The following SLC35F3 variants were observed in gnomAD, a reference collection of about 807,000 sequenced individuals.
SLC35F3 encodes solute carrier family 35 member F3.
SLC35F3 carries 25 observed loss-of-function variants against 49.9 expected under a neutral mutation model. That is an observed-to-expected ratio of 0.50 (90% CI 0.37 to 0.70). The LOEUF (loss-of-function observed/expected upper bound fraction) is 0.70, where lower values mean the gene tolerates loss of function less well. SLC35F3 is among the 30% of genes least tolerant of loss of function. The probability of loss-of-function intolerance (pLI) is 0.00; values close to 1 mark genes in which losing one functional copy is unlikely to be tolerated. For synonymous variants in SLC35F3, 275 were observed against 265.4 expected, an observed-to-expected ratio of 1.04 and a Z score of -0.35; for missense variants, 525 against 639.8, an observed-to-expected ratio of 0.82 and a Z score of 1.94.
At chr1:234,049,880 A>T (rs1413763476) in intron 2 of SLC35F3, among the ~76,000 whole-genome samples, 1 of 152,156 alleles carries the variant, frequency 6.6e-6, no homozygotes, top group Non-Finnish European at 1.5e-5. Context: ...GAGTAAGAAC[A>T]TAAGGTGTTT....
At chr1:234,160,640 C>A (rs1052226940) in intron 2 of SLC35F3, among the ~76,000 whole-genome samples, 12 of 152,178 alleles carry the variant, frequency 7.9e-5, no homozygotes, top group African/African-American at 2.7e-4. Context: ...ACTCTACTTA[C>A]AGTGGTCCCC....
At chr1:233,944,865 G>C (rs1662488170) in intron 2 of SLC35F3, among the ~76,000 whole-genome samples, 1 of 152,058 alleles carries the variant, frequency 6.6e-6, no homozygotes, top group Admixed American at 6.6e-5. Flanking sequence ...ATTGTAGAGG[G>C]GACGGAAGGG....
chr1:234,096,451 G>A (rs1235795813), intron 2 of SLC35F3, among the ~76,000 whole-genome samples: 2 of 152,106 alleles, frequency 1.3e-5, no homozygotes, highest in East Asian at 1.9e-4. Context: ...TTTCATTGTC[G>A]ATCTTCCATC....
At chr1:233,951,382 T>C (rs1662605733) in intron 2 of SLC35F3, among the ~76,000 whole-genome samples, 2 of 152,094 alleles carry the variant, frequency 1.3e-5, no homozygotes, top group Admixed American at 6.5e-5. Flanking sequence ...ACTCACTGAC[T>C]CACCCAGAGC....
intron 3 of SLC35F3, among the ~76,000 whole-genome samples, chr1:234,243,977 C>T (rs1027176019): frequency 6.6e-6 from 1 of 152,222 alleles, no homozygotes; most frequent in African/African-American, 2.4e-5. Context: ...TGCATAGCTG[C>T]AAGGTGGGAG....
At chr1:233,946,457 T>C (rs1662515537) in intron 2 of SLC35F3, among the ~76,000 whole-genome samples, 1 of 152,262 alleles carries the variant, frequency 6.6e-6, no homozygotes. Context: ...GCTCTCTGTC[T>C]TGGAACCAGA....
intron 2 of SLC35F3, among the ~76,000 whole-genome samples, chr1:234,165,387 A>C (rs1184670359): frequency 6.6e-6 from 1 of 152,160 alleles, no homozygotes; most frequent in Non-Finnish European, 1.5e-5. Flanking sequence ...CTAGAGAGAG[A>C]AGAAAGGCAA....
intron 2 of SLC35F3, among the ~76,000 whole-genome samples, chr1:234,122,608 C>T (rs1665592669): frequency 6.6e-6 from 1 of 152,142 alleles, no homozygotes; most frequent in African/African-American, 2.4e-5. Context: ...TCCTAATGCT[C>T]TCCCTCCCCT....
intron 2 of SLC35F3, among the ~76,000 whole-genome samples, chr1:233,985,345 T>A (rs12058251): frequency 0.032 from 4,883 of 152,170 alleles, 237 homozygotes; most frequent in African/African-American, 0.11. Context: ...CCATGCAGAG[T>A]CTTTTTGTAG....
intron 2 of SLC35F3, among the ~76,000 whole-genome samples, chr1:233,966,950 A>G (rs1201117371): frequency 6.6e-6 from 1 of 152,194 alleles, no homozygotes; most frequent in Non-Finnish European, 1.5e-5. Context: ...CTTTTTCTGC[A>G]TCAAAAAGGT....
At chr1:234,168,774 G>T (rs79543024) in intron 2 of SLC35F3, among the ~76,000 whole-genome samples, 2 of 152,176 alleles carry the variant, frequency 1.3e-5, no homozygotes, top group African/African-American at 2.4e-5. Context: ...AAACCTAACC[G>T]TGAAGAGGGA....
rs572346573 is a variant in SLC35F3 at position 234,236,602 on chromosome 1, T to G, written c.608+4861T>G. Reference sequence around the variant, plus strand: ...ACGGAGCTCTTCTTAGGATGTAGGATGTAATTGGGGTAAGGTGAAAGAGAA... The same window carrying G: ...ACGGAGCTCTTCTTAGGATGTAGGAGGTAATTGGGGTAAGGTGAAAGAGAA... On this transcript the variant is annotated intron_variant, in intron 3 of 7. Coordinates refer to ENST00000366618, the MANE Select transcript of SLC35F3 (RefSeq NM_173508.4). Among the ~76,000 whole-genome samples the G allele has an allele frequency of 2.0e-5, 3 of 151,984 alleles. No homozygotes were observed. The East Asian group carries it at 5.8e-4, about 30-fold the overall frequency.
intron 2 of SLC35F3, among the ~76,000 whole-genome samples, chr1:234,132,912 G>T (rs1665756307): frequency 6.6e-6 from 1 of 152,168 alleles, no homozygotes; most frequent in African/African-American, 2.4e-5. Context: ...ACTATTGAGT[G>T]CTGACTCTGT....
intron 2 of SLC35F3, among the ~76,000 whole-genome samples, chr1:234,090,153 A>T (rs982194934): frequency 6.6e-6 from 1 of 152,286 alleles, no homozygotes; most frequent in Non-Finnish European, 1.5e-5. Flanking sequence ...CTCAGCCCTC[A>T]GTCCTTGAAG....
At chr1:234,011,796 C>A (rs547622565) in intron 2 of SLC35F3, among the ~76,000 whole-genome samples, 1 of 152,224 alleles carries the variant, frequency 6.6e-6, no homozygotes, top group South Asian at 2.1e-4. Flanking sequence ...GCTGTACACC[C>A]AACATTGGAG....
chr1:233,983,271 A>T (rs1663215234), intron 2 of SLC35F3, among the ~76,000 whole-genome samples: 1 of 152,228 alleles, frequency 6.6e-6, no homozygotes, highest in African/African-American at 2.4e-5. Context: ...AAAATTAATT[A>T]AGCCAAAAGA....
chr1:234,181,338 G>GAAAAAAAAAAAAAAAAAAAAAAAAAAA (rs34757532), intron 2 of SLC35F3, among the ~76,000 whole-genome samples: 4 of 97,310 alleles, frequency 4.1e-5, no homozygotes, highest in African/African-American at 7.7e-5. Context: ...TCTGTCTCAA[G>GAAAAAAAAAAAAAAAAAAAAAAAAAAA]AAAAAAAAAA....
chr1:234,108,471 A>T (rs1347725619), intron 2 of SLC35F3, among the ~76,000 whole-genome samples: 8 of 91,198 alleles, frequency 8.8e-5, no homozygotes, highest in Admixed American at 3.0e-4. Flanking sequence ...TATATATAAA[A>T]GATATATATA....
chr1:234,098,082 T>C (rs897652772), intron 2 of SLC35F3, among the ~76,000 whole-genome samples: 5 of 145,732 alleles, frequency 3.4e-5, no homozygotes, highest in African/African-American at 5.2e-5. Context: ...GATGGTGTCA[T>C]AGGGTGATGA....
Sources: allele counts gnomAD v4.1 joint callset (sites outside exome capture counted in the v4.1 genomes callset), GRCh38; gene constraint gnomAD v4.1.1; transcripts MANE v1.5; gene names NCBI Gene and HGNC (gene_info 2026-07-23, HGNC 2026-07-21).